Variants in PARP4 observed in about 807,000 individuals in gnomAD.
The protein encoded by PARP4 is poly(ADP-ribose) polymerase family member 4.
In PARP4, 120 loss-of-function variants were observed where a neutral mutation model predicts 187.7. That is an observed-to-expected ratio of 0.64 (90% confidence interval 0.55 to 0.74). The LOEUF (loss-of-function observed/expected upper bound fraction) is 0.74, where lower values mean the gene tolerates loss of function less well. Among genes scored for constraint, PARP4 ranks in the 30% least tolerant of loss-of-function variants. PARP4 has a pLI of 0.00. For missense variants in PARP4, 1,836 were observed against 2,070.5 expected (o/e 0.89, Z 2.20); for synonymous variants, 654 against 740.9 (o/e 0.88, Z 1.90).
At chr13:24,447,364 T>A (rs914078392) in intron 25 of PARP4, among the ~76,000 whole-genome samples, 178 bp from the exon 26 acceptor site, 9 of 152,260 alleles carry the variant, frequency 5.9e-5, no homozygotes, top group Non-Finnish European at 1.0e-4. Context: ...TATTTTATTT[T>A]ATTTATTTTA....
Position 24,456,402 on chromosome 13 carries a change from C to T in PARP4, c.2501G>A (p.Gly834Asp). ...LDSSGFSLHI[G>D]LSAAYLPRMW... ...TCTTGGGAGATAGGCAGCAGACAAA[C>T]CGATGTGGAGAGAAAATCCACTGCT... The change falls in exon 21 of 34, where the codon GGT becomes GAT. Residue 834 changes from glycine to aspartate, a missense_variant. Transcript: ENST00000381989. 6.2e-7 allele frequency: 1 copy of T among 1,612,476 alleles called. No individual in the cohort carries two copies. The highest frequency in any genetic ancestry group is 8.5e-7 in the Non-Finnish European group (1 of 1,179,020).
intron 31 of PARP4, among the ~76,000 whole-genome samples, chr13:24,433,952 A>G (rs1053461262): frequency 6.6e-6 from 1 of 152,198 alleles, no homozygotes; most frequent in Non-Finnish European, 1.5e-5. Flanking sequence ...TACATGTTGA[A>G]TAATATCTGT....
intron 20 of PARP4, among the ~76,000 whole-genome samples, chr13:24,458,210 C>A (rs1167158786): frequency 6.6e-6 from 1 of 151,390 alleles, no homozygotes; most frequent in Non-Finnish European, 1.5e-5. Flanking sequence ...CCTGGGTTCA[C>A]GCCATTCTCC....
At chr13:24,447,268 T>C in intron 25 of PARP4, 82 bp from the exon 26 acceptor site, 1 of 967,080 alleles carries the variant, frequency 1.0e-6, no homozygotes, top group Non-Finnish European at 1.4e-6. Context: ...AAGTATACAT[T>C]CTATCCTTTG....
rs200991879 is a variant in PARP4 at position 24,469,028 on chromosome 13, G to A, written c.2129C>T (p.Ala710Val). The part of the protein sequence containing the change: ...GHGAYLMSQD[A>V]PDVFTVSVGN... Reference sequence around the variant, plus strand: ...GGCATGCACACCAAGCCATACCGGAGCATCCTGACTCATCAGGTAAGCGCC... The same window carrying A: ...GGCATGCACACCAAGCCATACCGGAACATCCTGACTCATCAGGTAAGCGCC... Residue 710 changes from alanine to valine, a missense_variant, in exon 17 of 34, where the codon GCT becomes GTT. Physicochemically the swap from Ala to Val is moderately conservative, Grantham distance 64. Around this residue, in one of 8 missense-constraint regions of PARP4, gnomAD observed 1,147 missense variants for 1,214.2 expected, o/e 0.94. Coordinates refer to ENST00000381989, the MANE Select transcript of PARP4 (RefSeq NM_006437.4). 1.7e-4 allele frequency: 270 copies of A among 1,609,724 alleles called. No individual in the cohort carries two copies. The highest frequency in any genetic ancestry group is 1.1e-4 in the Non-Finnish European group (129 of 1,176,018).
intron 12 of PARP4, among the ~76,000 whole-genome samples, chr13:24,479,367 T>C (rs1010112369): frequency 6.6e-6 from 1 of 152,186 alleles, no homozygotes; most frequent in Non-Finnish European, 1.5e-5. Context: ...AACCCCACTC[T>C]GGACTTCTCC....
chr13:24,478,284 C>A lies in PARP4; in HGVS notation c.1449-8G>T, dbSNP rs548308783. The A allele has an allele frequency of 1.3e-6, 2 of 1,566,962 alleles. No individual in the cohort carries two copies. The highest frequency in any genetic ancestry group is 1.2e-5 in the South Asian group (1 of 85,674). On this transcript the variant is annotated splice_polypyrimidine_tract_variant and splice_region_variant and intron_variant, in intron 12 of 33. Coordinates refer to ENST00000381989, the MANE Select transcript of PARP4 (RefSeq NM_006437.4). The stretch of plus-strand genomic sequence containing the variant: ...GAGTACTTGATACTTGTACTACATG[C>A]GAAAGGAAATAAACACATATTTACA...
chr13:24,445,223 A>C, intron 27 of PARP4, among the ~76,000 whole-genome samples: 1 of 152,142 alleles, frequency 6.6e-6, no homozygotes. Flanking sequence ...TAGACCAAAC[A>C]TGGAAACTTC....
intron 17 of PARP4, among the ~76,000 whole-genome samples, chr13:24,465,372 A>G (rs868834704): frequency 1.3e-5 from 2 of 152,212 alleles, no homozygotes; most frequent in South Asian, 2.1e-4. Context: ...ACAATAGCAA[A>G]GACATGGAAT....
intron 1 of PARP4, among the ~76,000 whole-genome samples, chr13:24,505,463 T>C (rs539991393): frequency 1.3e-5 from 2 of 152,266 alleles, no homozygotes; most frequent in South Asian, 2.1e-4. Flanking sequence ...CAAGAAGTCA[T>C]GAGAGGGAAG....
At position 24,458,937 on chromosome 13, in the gene PARP4, AAGTTTT is replaced by A. The variant is rs1408606204; in HGVS notation, c.2424+101_2424+106del. On this transcript the variant is annotated intron_variant, in intron 20 of 33. Coordinates refer to ENST00000381989, the MANE Select transcript of PARP4 (RefSeq NM_006437.4). ...GGGCAGGAGTAGTGCTTCTTGTTAG[AAGTTTT>A]GTCAGCATTATTTCACTTTTCAACC... 6.5e-6 allele frequency: 5 copies of A among 769,518 alleles called. No individual in the cohort carries two copies. The East Asian group carries it at 1.3e-4, about 20-fold the overall frequency. The allele number at this position is 769,518 out of a possible 1,614,324, so 47.7% of individuals were successfully genotyped here.
rs772334218 is a variant in PARP4 at position 24,447,098 on chromosome 13, G to A, written c.3203C>T (p.Ala1068Val). ...CGGCACCTGGGCTGGGGCCTGCAGG[G>A]CCTCGGGCACATCTGGATTGAGTTG... ...WQQLNPDVPE[A>V]LQAPAQVPSL... is the part of the protein sequence containing the mutation. The change falls in exon 26 of 34, where the codon GCC (alanine) becomes GTC (valine). Residue 1068 changes from alanine (A) to valine (V), a missense_variant. This residue lies in a region of PARP4 where 56 missense variants were observed against 103.7 expected (regional missense o/e 0.54). Transcript: ENST00000381989. The A allele has an allele frequency of 6.2e-7, 1 of 1,612,946 alleles. No individual in the cohort carries two copies. The highest frequency in any genetic ancestry group is 1.3e-5 in the African/African-American group (1 of 74,930).
intron 9 of PARP4, among the ~76,000 whole-genome samples, chr13:24,491,592 G>A (rs1868653671): frequency 6.6e-6 from 1 of 152,150 alleles, no homozygotes; most frequent in South Asian, 2.1e-4. Flanking sequence ...AAACTCCTCT[G>A]AAGTCTAGGA....
chr13:24,492,580 C>T lies in PARP4; in HGVS notation c.894G>A (p.Glu298=), dbSNP rs777094346. ...CTGCCTTTACTAGAAGGAGAATCCC[C>T]TCTGCCTTGCTCACCTTTCAACAGA... The part of the protein sequence containing the change: ...RISLNDVSKA[E]GILLLVKAAL... Residue 298 remains glutamate, a synonymous_variant, in exon 9 of 34, where the codon GAG becomes GAA. Transcript: ENST00000381989. 1.2e-6 allele frequency: 2 copies of T among 1,613,816 alleles called. No individual in the cohort carries two copies. The highest frequency in any genetic ancestry group is 2.2e-5 in the South Asian group (2 of 91,042).
chr13:24,443,766 A>T, intron 27 of PARP4, 36 bp from the exon 28 acceptor site: 1 of 1,384,450 alleles, frequency 7.2e-7, no homozygotes, highest in Non-Finnish European at 1.0e-6. Flanking sequence ...AAATATTCAC[A>T]TGGCTTCTAA....
chr13:24,491,937 C>T (rs977028698), intron 9 of PARP4, among the ~76,000 whole-genome samples: 11 of 152,242 alleles, frequency 7.2e-5, no homozygotes, highest in African/African-American at 2.6e-4. Flanking sequence ...CTGCAGATCA[C>T]GAGGAAGCCA....
intron 9 of PARP4, among the ~76,000 whole-genome samples, chr13:24,491,547 G>A (rs375473880): frequency 5.9e-5 from 9 of 152,286 alleles, no homozygotes; most frequent in African/African-American, 1.9e-4. Flanking sequence ...TGTTGAAAGC[G>A]ATTATTTCCC....
chr13:24,470,635 G>GA (rs1346737512), intron 15 of PARP4, among the ~76,000 whole-genome samples: 7 of 151,686 alleles, frequency 4.6e-5, no homozygotes, highest in Non-Finnish European at 8.8e-5. Context: ...TGAAAATTAA[G>GA]AAAAAACTCC....
rs1380762793 is a variant in PARP4 at position 24,456,521 on chromosome 13, A to ATACT, written c.2425-44_2425-43insAGTA. On this transcript the variant is annotated intron_variant, in intron 20 of 33. Transcript: ENST00000381989. ...CGACAACAAGGTGAGTAATGGAGTA[A>ATACT]CACCATATTAGCAGTCTGCACTTAC... The ATACT allele has an allele frequency of 1.7e-5, 27 of 1,567,408 alleles. No individual in the cohort carries two copies. In the East Asian group the frequency reaches 6.2e-4, roughly 36 times the overall value.
Sources: gnomAD v4.1 joint callset for allele counts (sites outside exome capture counted in the v4.1 genomes callset) on GRCh38, gnomAD v4.1.1 for gene constraint, gnomAD v4.1.1 regional missense constraint, MANE v1.5 for transcripts, NCBI Gene and HGNC (gene_info 2026-07-23, HGNC 2026-07-21) for gene names.